Variants in GPC5 observed in about 807,000 individuals in gnomAD.
GPC5 encodes glypican-5.
Under a neutral mutation model 53.9 loss-of-function variants are expected in GPC5, and 47 were observed. The ratio of observed to expected loss-of-function variants is 0.87; its 90% CI spans 0.69 to 1.11. The LOEUF (loss-of-function observed/expected upper bound fraction) is 1.11, where lower values mean the gene tolerates loss of function less well. Ranked by LOEUF, GPC5 falls within the 50% of genes most tolerant of loss-of-function variation. GPC5 has a pLI of 0.00. For synonymous variants in GPC5, 286 were observed against 263.3 expected, an observed-to-expected ratio of 1.09 and a Z score of -0.84; for missense variants, 748 against 713.1, an observed-to-expected ratio of 1.05 and a Z score of -0.56.
At chr13:91,576,055 A>G (rs961354720) in intron 2 of GPC5, among the ~76,000 whole-genome samples, 3 of 152,132 alleles carry the variant, frequency 2.0e-5, no homozygotes, top group Non-Finnish European at 4.4e-5. Flanking sequence ...TGTCCTGAAT[A>G]TTGTCAGTCA....
chr13:91,401,580 T>C (rs1452949527), intron 1 of GPC5, among the ~76,000 whole-genome samples: 1 of 152,236 alleles, frequency 6.6e-6, no homozygotes, highest in East Asian at 1.9e-4. Flanking sequence ...GATTTTGTTT[T>C]TGGAAGTACG....
intron 5 of GPC5, among the ~76,000 whole-genome samples, chr13:91,791,896 T>C (rs185330005): frequency 6.6e-6 from 1 of 152,304 alleles, no homozygotes. Context: ...GAAAAATAAA[T>C]AGTTGGTTAA....
At chr13:92,468,774 G>A (rs1878799313) in intron 7 of GPC5, among the ~76,000 whole-genome samples, 1 of 152,028 alleles carries the variant, frequency 6.6e-6, no homozygotes, top group Admixed American at 6.6e-5. Flanking sequence ...TTGCACCCTT[G>A]CAATCATGCT....
chr13:92,197,004 T>C (rs1283763980), intron 7 of GPC5, among the ~76,000 whole-genome samples: 2 of 152,176 alleles, frequency 1.3e-5, no homozygotes, highest in Admixed American at 6.5e-5. Flanking sequence ...ACAATATGAA[T>C]CGTGCAACAA....
intron 7 of GPC5, among the ~76,000 whole-genome samples, chr13:92,423,829 G>T (rs1357515905): frequency 6.6e-6 from 1 of 152,138 alleles, no homozygotes; most frequent in Non-Finnish European, 1.5e-5. Flanking sequence ...ATCACTGGCT[G>T]CTAGAAGATT....
rs189820300 is a variant in GPC5, at chr13:91,434,021, A to T, written c.164-14740A>T. 5.2e-3 allele frequency among the ~76,000 whole-genome samples: 788 copies of T among 152,204 alleles called. 4 individuals carry two copies. The highest frequency in any genetic ancestry group is 0.018 in the African/African-American group (733 of 41,532). The stretch of plus-strand genomic sequence containing the variant: ...CTTCTTTTGAGAAGTGTCTGTTCAT[A>T]TCCTTTGCCCACTTTTTGATGGGGT... On this transcript the variant is annotated intron_variant, in intron 1 of 7. Transcript: ENST00000377067.
intron 7 of GPC5, among the ~76,000 whole-genome samples, chr13:92,386,280 T>C (rs954801252): frequency 3.3e-5 from 5 of 152,028 alleles, no homozygotes; most frequent in African/African-American, 1.2e-4. Flanking sequence ...CTGAAACCTT[T>C]TGCAAAACTA....
chr13:92,834,389 A>G (rs1445525921), intron 7 of GPC5, among the ~76,000 whole-genome samples: 1 of 152,158 alleles, frequency 6.6e-6, no homozygotes, highest in African/African-American at 2.4e-5. Flanking sequence ...GTATTGTTAC[A>G]CAATTCATCC....
intron 5 of GPC5, among the ~76,000 whole-genome samples, chr13:91,760,027 T>C (rs777505378): frequency 6.6e-6 from 1 of 152,140 alleles, no homozygotes; most frequent in Non-Finnish European, 1.5e-5. Context: ...TATTTTTTAA[T>C]TTGTATTGTA....
At chr13:92,776,119 G>T (rs1003539714) in intron 7 of GPC5, among the ~76,000 whole-genome samples, 1 of 152,192 alleles carries the variant, frequency 6.6e-6, no homozygotes, top group Admixed American at 6.5e-5. Flanking sequence ...TAGAAGGGCT[G>T]CTTTCCTTCT....
intron 5 of GPC5, among the ~76,000 whole-genome samples, chr13:91,895,628 CTCTT>C (rs1268066552): frequency 3.3e-5 from 5 of 151,378 alleles, no homozygotes; most frequent in South Asian, 2.1e-4. Flanking sequence ...ATCTTTTTCT[CTCTT>C]TCTTTCTTTT....
intron 7 of GPC5, among the ~76,000 whole-genome samples, chr13:92,345,779 A>T (rs574734305): frequency 6.6e-6 from 1 of 152,170 alleles, no homozygotes; most frequent in Admixed American, 6.5e-5. Flanking sequence ...CAGAAAGCCC[A>T]CTTCAGTCTC....
intron 7 of GPC5, among the ~76,000 whole-genome samples, chr13:92,789,460 A>G (rs543284293): frequency 6.6e-6 from 1 of 152,322 alleles, no homozygotes; most frequent in South Asian, 2.1e-4. Context: ...GCATAAATTG[A>G]AAAGATGGTA....
chr13:92,354,739 TCA>T, intron 7 of GPC5, among the ~76,000 whole-genome samples: 1 of 152,240 alleles, frequency 6.6e-6, no homozygotes, highest in East Asian at 1.9e-4. Flanking sequence ...GAGATCTGAC[TCA>T]CAAAAGCCAG....
At position 92,848,760 on chromosome 13, in the gene GPC5, A is replaced by G. The variant is rs9561179; in HGVS notation, c.1562-17522A>G. 0.025 allele frequency among the ~76,000 whole-genome samples: 3,790 copies of G among 152,130 alleles called. 356 individuals carry two copies. In the East Asian group the frequency reaches 0.32, roughly 13 times the overall value. ...TGGAAAGTGTATGAGGACAAGGACA[A>G]AAAGAACTGACATGATTGTTGTTAG... is the stretch of plus-strand genomic sequence containing the variant. On this transcript the variant is annotated intron_variant, in intron 7 of 7. Transcript: ENST00000377067.
At chr13:92,798,137 C>T (rs926513046) in intron 7 of GPC5, among the ~76,000 whole-genome samples, 6 of 151,824 alleles carry the variant, frequency 4.0e-5, no homozygotes, top group Admixed American at 2.0e-4. Context: ...CACAGCAATG[C>T]TAAGGAGGAA....
intron 7 of GPC5, among the ~76,000 whole-genome samples, chr13:92,298,025 A>C (rs1457789742): frequency 6.6e-6 from 1 of 152,116 alleles, no homozygotes; most frequent in Admixed American, 6.5e-5. Flanking sequence ...AGTGAGACCA[A>C]GAACCCACCA....
At chr13:91,866,854 T>C (rs1189045232) in intron 5 of GPC5, among the ~76,000 whole-genome samples, 1 of 152,254 alleles carries the variant, frequency 6.6e-6, no homozygotes, top group African/African-American at 2.4e-5. Context: ...TGTGCTTTAA[T>C]AATTGATTCA....
intron 6 of GPC5, among the ~76,000 whole-genome samples, chr13:92,117,179 T>C (rs1056702435): frequency 6.6e-6 from 1 of 152,206 alleles, no homozygotes; most frequent in Non-Finnish European, 1.5e-5. Flanking sequence ...TGGTGTGCTA[T>C]GTAAAATATC....
Sources: gnomAD v4.1 joint callset for allele counts (sites outside exome capture counted in the v4.1 genomes callset) on GRCh38, gnomAD v4.1.1 for gene constraint, MANE v1.5 for transcripts, NCBI Gene and HGNC (gene_info 2026-07-23, HGNC 2026-07-21) for gene names.